ATAD2B: variants seen among roughly 807,000 people sequenced by gnomAD.
The protein encoded by ATAD2B is ATPase family AAA domain-containing protein 2B.
Under a neutral mutation model 167.6 loss-of-function variants are expected in ATAD2B, and 40 were observed. That is an observed-to-expected ratio of 0.24 (90% CI 0.19 to 0.31). ATAD2B has a LOEUF of 0.31. ATAD2B is among the 10% of genes least tolerant of loss of function. ATAD2B has a pLI of 1.00. For missense variants in ATAD2B, 1,242 were observed against 1,757.2 expected, an observed-to-expected ratio of 0.71 and a Z score of 5.24; for synonymous variants, 579 against 596.5, an observed-to-expected ratio of 0.97 and a Z score of 0.43.
chr2:23,833,019 T>G (rs541132783), intron 14 of ATAD2B, among the ~76,000 whole-genome samples: 1 of 152,238 alleles, frequency 6.6e-6, no homozygotes, highest in Non-Finnish European at 1.5e-5. Flanking sequence ...CTATGTTTCC[T>G]GTCCTGACAA....
chr2:23,893,667 C>CTTG (rs1699823383), intron 2 of ATAD2B, among the ~76,000 whole-genome samples: 1 of 119,432 alleles, frequency 8.4e-6, no homozygotes, highest in African/African-American at 3.2e-5. Context: ...AAAAAAAAAA[C>CTTG]TTTTTTTTTT....
chr2:23,762,946 T>C (rs771412611), intron 23 of ATAD2B, among the ~76,000 whole-genome samples: 1 of 152,240 alleles, frequency 6.6e-6, no homozygotes, highest in Non-Finnish European at 1.5e-5. Flanking sequence ...CGAAGTATCA[T>C]TGTGTTCAGG....
At chr2:23,910,437 C>T (rs1177356401) in intron 1 of ATAD2B, among the ~76,000 whole-genome samples, 1 of 151,416 alleles carries the variant, frequency 6.6e-6, no homozygotes, top group Non-Finnish European at 1.5e-5. Flanking sequence ...CTAGGCCTCC[C>T]AAAGTGCTGA....
chr2:23,861,361 T>C (rs1176895536), intron 12 of ATAD2B, among the ~76,000 whole-genome samples: 1 of 151,766 alleles, frequency 6.6e-6, no homozygotes, highest in Non-Finnish European at 1.5e-5. Flanking sequence ...ATGGTAAAGA[T>C]AGATACAAAC....
the ATAD2B span, among the ~76,000 whole-genome samples, chr2:23,738,825 C>T: frequency 6.6e-6 from 1 of 152,214 alleles, no homozygotes; most frequent in African/African-American, 2.4e-5. Flanking sequence ...CAGAGACACA[C>T]ATAGGCTCAA....
At position 23,807,830 on chromosome 2, in the gene ATAD2B, T is replaced by A. The variant is rs1179101622; in HGVS notation, c.2454+2486A>T. Among the ~76,000 whole-genome samples the A allele has an allele frequency of 3.2e-3, 380 of 119,134 alleles. 2 individuals are homozygous for A. The highest frequency in any genetic ancestry group is 5.6e-3 in the South Asian group (21 of 3,774). 78.2% of individuals were successfully genotyped at this position (119,134 alleles called of 152,430 possible). Reference sequence around the variant, plus strand: ...GACTCCATCTTAAAAAAAAAAAAAATATATATATATATATAATAAAATATA... The same window carrying A: ...GACTCCATCTTAAAAAAAAAAAAAAAATATATATATATATAATAAAATATA... On this transcript the variant is annotated intron_variant, in intron 18 of 27. Coordinates refer to ENST00000238789, the MANE Select transcript of ATAD2B (RefSeq NM_017552.4).
chr2:23,730,873 A>G, the ATAD2B span, among the ~76,000 whole-genome samples: 2 of 151,840 alleles, frequency 1.3e-5, no homozygotes, highest in Non-Finnish European at 2.9e-5. Flanking sequence ...AATAAAAGTA[A>G]CAATACCAAA....
chr2:23,756,730 A>G (rs573007736), intron 25 of ATAD2B, among the ~76,000 whole-genome samples: 75 of 152,284 alleles, frequency 4.9e-4, no homozygotes, highest in Non-Finnish European at 7.5e-4. Context: ...TCTTTCCCCC[A>G]CTATTGGACT....
the ATAD2B span, among the ~76,000 whole-genome samples, chr2:23,734,064 A>G: frequency 6.6e-6 from 1 of 152,196 alleles, no homozygotes; most frequent in Non-Finnish European, 1.5e-5. Flanking sequence ...TCAGGGGGGA[A>G]AAAAGCCTTC....
the ATAD2B span, chr2:23,706,445 G>A: frequency 7.2e-7 from 1 of 1,395,906 alleles, no homozygotes; most frequent in Non-Finnish European, 9.4e-7. Flanking sequence ...AGTTGGAAGT[G>A]AAATGCCTAA....
intron 2 of ATAD2B, among the ~76,000 whole-genome samples, chr2:23,889,054 AAG>A (rs1476437055): frequency 2.6e-5 from 4 of 152,224 alleles, no homozygotes; most frequent in Non-Finnish European, 5.9e-5. Flanking sequence ...TGCATAATAA[AAG>A]AGTTGTCAAT....
At chr2:23,859,722 C>A (rs566494441) in intron 12 of ATAD2B, among the ~76,000 whole-genome samples, 8 of 151,952 alleles carry the variant, frequency 5.3e-5, no homozygotes, top group African/African-American at 1.7e-4. Context: ...TCGAGACAGG[C>A]GGATCTCTTG....
At chr2:23,884,740 G>T in intron 6 of ATAD2B, 25 bp downstream of exon 6, 4 of 1,407,996 alleles carry the variant, frequency 2.8e-6, no homozygotes, top group Non-Finnish European at 3.9e-6. Flanking sequence ...GAACTTTCTA[G>T]AATTCCAAAA....
chr2:23,859,304 T>A (rs927261700), intron 12 of ATAD2B, among the ~76,000 whole-genome samples: 1 of 152,076 alleles, frequency 6.6e-6, no homozygotes, highest in South Asian at 2.1e-4. Flanking sequence ...TATTTATTTA[T>A]TTATTTATTT....
chr2:23,787,406 T>C (rs1381011907), intron 20 of ATAD2B, among the ~76,000 whole-genome samples: 18 of 152,030 alleles, frequency 1.2e-4, no homozygotes, highest in Admixed American at 8.5e-4. Flanking sequence ...GCATGAAAGA[T>C]TGAAATAAAT....
intron 17 of ATAD2B, among the ~76,000 whole-genome samples, chr2:23,818,713 G>A (rs2149611449): frequency 6.6e-6 from 1 of 152,274 alleles, no homozygotes; most frequent in East Asian, 1.9e-4. Flanking sequence ...TCTAATAGAA[G>A]TGCTATTAGA....
At chr2:23,785,046 T>G (rs778644572) in intron 21 of ATAD2B, among the ~76,000 whole-genome samples, 26 of 152,018 alleles carry the variant, frequency 1.7e-4, no homozygotes, top group South Asian at 6.2e-4. Context: ...ACAAATAAAA[T>G]TATAGATAGT....
intron 1 of ATAD2B, among the ~76,000 whole-genome samples, chr2:23,915,464 T>C (rs967639965): frequency 2.7e-5 from 4 of 148,228 alleles, no homozygotes; most frequent in Non-Finnish European, 4.5e-5. Context: ...AAAATCCAAC[T>C]CACTATTTAA....
intron 1 of ATAD2B, among the ~76,000 whole-genome samples, chr2:23,925,456 A>G (rs1438226180): frequency 6.6e-6 from 1 of 152,250 alleles, no homozygotes. Context: ...CCCCTAGAAC[A>G]TAAAATATTG....
Sources: gnomAD v4.1 joint callset for allele counts (sites outside exome capture counted in the v4.1 genomes callset) on GRCh38, gnomAD v4.1.1 for gene constraint, MANE v1.5 for transcripts, NCBI Gene and HGNC (gene_info 2026-07-23, HGNC 2026-07-21) for gene names.